Variants in MLLT3 observed in about 807,000 individuals in gnomAD.
MLLT3 encodes the protein MLLT3 super elongation complex subunit.
Under a neutral mutation model 53.2 loss-of-function variants are expected in MLLT3, and 4 were observed. The observed-to-expected ratio is 0.08, with a 90% CI of 0.04 to 0.17. The LOEUF (loss-of-function observed/expected upper bound fraction) is 0.17. Among genes scored for constraint, MLLT3 ranks in the 10% least tolerant of loss-of-function variants. The pLI is 1.00. For missense variants in MLLT3, 569 were observed against 684.0 expected (o/e 0.83, Z 1.87); for synonymous variants, 283 against 230.6 (o/e 1.23, Z -2.06).
In MLLT3 at chr9:20,621,609, T is replaced by TC. The variant is rs1587141394; in HGVS notation, c.12+635dup. Among the ~76,000 whole-genome samples, 1 of 142,540 alleles carries TC rather than the reference T, an allele frequency of 7.0e-6. No homozygotes were observed. The highest frequency in any genetic ancestry group is 1.5e-5 in the Non-Finnish European group (1 of 65,536). The allele number at this position is 142,540 out of a possible 152,430, so 93.5% of individuals were successfully genotyped here. ...AAGTGGCTCCAAAGTATCTCCCACC[T>TC]CCCCCCAAAAAATGAAATTCAGAAA... On this transcript the variant is annotated intron_variant, in intron 1 of 10. Coordinates refer to ENST00000380338, the MANE Select transcript of MLLT3 (RefSeq NM_004529.4). The surrounding 1 kb of genome is among the most constrained non-coding windows in gnomAD (Gnocchi z 7.0).
rs576223462 is a variant in MLLT3, at chr9:20,584,082, AT to A, written c.193+36571del. Among the ~76,000 whole-genome samples, 9 of 152,202 alleles carry A rather than the reference AT, an allele frequency of 5.9e-5. No individual in the cohort carries two copies. The South Asian group carries it at 1.7e-3, about 28-fold the overall frequency. ...CTCTTGAATACTTTGCTGCTTAGAAATTTTTTCTGCCAGATATCCTAAATCA... is the reference window on the plus strand; with the variant it reads ...CTCTTGAATACTTTGCTGCTTAGAAATTTTTCTGCCAGATATCCTAAATCA... On this transcript the variant is annotated intron_variant, in intron 2 of 10. Transcript: ENST00000380338.
chr9:20,462,486 G>A (rs116331299), intron 2 of MLLT3, among the ~76,000 whole-genome samples: 1,807 of 151,948 alleles, frequency 0.012, 40 homozygotes, highest in African/African-American at 0.041. Context: ...TCTAATTAAC[G>A]TTCATAAAGT....
chr9:20,527,113 A>G (rs1818222681), intron 2 of MLLT3, among the ~76,000 whole-genome samples: 1 of 152,206 alleles, frequency 6.6e-6, no homozygotes, highest in Non-Finnish European at 1.5e-5. Flanking sequence ...GTAAGATCAA[A>G]GGGTAAGGTT....
At chr9:20,443,360 T>C (rs1779777600) in intron 4 of MLLT3, among the ~76,000 whole-genome samples, 1 of 152,220 alleles carries the variant, frequency 6.6e-6, no homozygotes, top group South Asian at 2.1e-4. Flanking sequence ...TGTGAACTCT[T>C]CTAAGGAAAC....
intron 8 of MLLT3, among the ~76,000 whole-genome samples, chr9:20,360,184 G>C (rs886074499): frequency 1.3e-5 from 2 of 152,086 alleles, no homozygotes; most frequent in African/African-American, 4.8e-5. Flanking sequence ...AGAAAACTGA[G>C]GCCGAACACC....
At chr9:20,404,533 C>T (rs1377142591) in intron 5 of MLLT3, among the ~76,000 whole-genome samples, 1 of 152,130 alleles carries the variant, frequency 6.6e-6, no homozygotes, top group East Asian at 1.9e-4. Flanking sequence ...TTGAAACGGT[C>T]TCACTACATT....
rs1181168517 is a variant in MLLT3, at chr9:20,622,114, G to T, written c.12+131C>A. 14 of 1,088,832 alleles carry T rather than the reference G, an allele frequency of 1.3e-5. No individual in the cohort carries two copies. The African/African-American group carries it at 2.1e-4, about 16-fold the overall frequency. 67.4% of individuals were successfully genotyped at this position (1,088,832 alleles called of 1,614,324 possible). A position where few individuals can be genotyped will look rare whatever the true frequency, so the allele number is the denominator to read the frequency against. ...AGCGGAGGCTGAGGGAGAGGCGGCAGCTCCCTGCAAGCCGTACCAACCTTT... is the reference window on the plus strand; with the variant it reads ...AGCGGAGGCTGAGGGAGAGGCGGCATCTCCCTGCAAGCCGTACCAACCTTT... On this transcript the variant is annotated intron_variant, in intron 1 of 10. Coordinates refer to ENST00000380338, the MANE Select transcript of MLLT3 (RefSeq NM_004529.4).
At chr9:20,508,262 C>T (rs1422443723) in intron 2 of MLLT3, among the ~76,000 whole-genome samples, 1 of 152,204 alleles carries the variant, frequency 6.6e-6, no homozygotes, top group Non-Finnish European at 1.5e-5. Flanking sequence ...CCTTACCTCT[C>T]ACCCCACATT....
intron 5 of MLLT3, among the ~76,000 whole-genome samples, chr9:20,372,776 A>G (rs950513385): frequency 1.3e-5 from 2 of 152,026 alleles, no homozygotes; most frequent in Admixed American, 1.3e-4. Flanking sequence ...ATAAGTAGTC[A>G]TCAGCATCTG....
Position 20,511,259 on chromosome 9 carries a change from T to TA in MLLT3, c.194-54474dup, listed in dbSNP as rs75800263. On this transcript the variant is annotated intron_variant, in intron 2 of 10. Transcript: ENST00000380338. ...ACTTAAACGTATTACTTTTGTAATTTAAAAAAAACTTCAAGAAAAAAATAA... is the reference window on the plus strand; with the variant it reads ...ACTTAAACGTATTACTTTTGTAATTTAAAAAAAAACTTCAAGAAAAAAATAA... Among the ~76,000 whole-genome samples the TA allele has an allele frequency of 0.011, 1,718 of 152,004 alleles. 86 individuals carry two copies. The East Asian group carries it at 0.17, about 15-fold the overall frequency.
chr9:20,525,005 C>G (rs984176850), intron 2 of MLLT3, among the ~76,000 whole-genome samples: 2 of 150,906 alleles, frequency 1.3e-5, no homozygotes, highest in African/African-American at 4.9e-5. Context: ...AGTAGCTTGG[C>G]CCAGTGAGGG....
At chr9:20,571,617 T>C (rs1160364866) in intron 2 of MLLT3, among the ~76,000 whole-genome samples, 2 of 152,082 alleles carry the variant, frequency 1.3e-5, no homozygotes, top group Non-Finnish European at 2.9e-5. Context: ...CAGGCCCTGG[T>C]GTGTGATGTT....
chr9:20,520,825 G>C (rs576810610), intron 2 of MLLT3, among the ~76,000 whole-genome samples: 2 of 152,306 alleles, frequency 1.3e-5, no homozygotes, highest in South Asian at 2.1e-4. Context: ...ATAGCAAAGT[G>C]TTAGAAGAGA....
chr9:20,418,936 TAATA>T lies in MLLT3; in HGVS notation c.421-4515_421-4512del, dbSNP rs537983898. Among the ~76,000 whole-genome samples, 3 of 152,268 alleles carry T rather than the reference TAATA, an allele frequency of 2.0e-5. No homozygotes were observed. The South Asian group carries it at 6.2e-4, about 32-fold the overall frequency. On this transcript the variant is annotated intron_variant, in intron 4 of 10. Transcript: ENST00000380338. Reference sequence around the variant, plus strand: ...TCTAGGTGTATAAACAAGAAATAGATAATATGCTTGCTGCTACTGTGCAGGTTGA... The same window carrying T: ...TCTAGGTGTATAAACAAGAAATAGATTGCTTGCTGCTACTGTGCAGGTTGA...
At chr9:20,507,640 A>G (rs1473847810) in intron 2 of MLLT3, among the ~76,000 whole-genome samples, 2 of 151,894 alleles carry the variant, frequency 1.3e-5, no homozygotes, top group Admixed American at 6.6e-5. Flanking sequence ...CTTCCTGCCC[A>G]TGCATGCAAG....
At chr9:20,514,334 CTGGGT>C (rs1225962578) in intron 2 of MLLT3, among the ~76,000 whole-genome samples, 3 of 152,104 alleles carry the variant, frequency 2.0e-5, no homozygotes, top group Non-Finnish European at 4.4e-5. Context: ...TGGAGAGGTC[CTGGGT>C]TGGGTGATAT....
At position 20,435,664 on chromosome 9, in the gene MLLT3, G is replaced by T. The variant is rs532205816; in HGVS notation, c.420+12459C>A. Reference sequence around the variant, plus strand: ...GCAGAAAGTGGGAGGTGTAAGGATGGTATCTGAAGGAAAAAGGAGTACGGG... The same window carrying T: ...GCAGAAAGTGGGAGGTGTAAGGATGTTATCTGAAGGAAAAAGGAGTACGGG... On this transcript the variant is annotated intron_variant, in intron 4 of 10. Coordinates refer to ENST00000380338, the MANE Select transcript of MLLT3 (RefSeq NM_004529.4). 2.0e-3 allele frequency among the ~76,000 whole-genome samples: 301 copies of T among 152,230 alleles called. 3 individuals are homozygous for T. Among genetic ancestry groups the T allele is most frequent in the African/African-American group, 7.0e-3 (292 of 41,554 alleles).
Position 20,343,987 on chromosome 9 carries a change from TCA to T in MLLT3, c.*2454_*2455del, listed in dbSNP as rs1820804250. On this transcript the variant is annotated 3_prime_UTR_variant, in exon 11 of 11. Coordinates refer to ENST00000380338, the MANE Select transcript of MLLT3 (RefSeq NM_004529.4). ...CACTTCAAAAAAAATAACGTAACTCTCAGTCTTAATTTTGTGAAAAACTTACT... is the reference window on the plus strand; with the variant it reads ...CACTTCAAAAAAAATAACGTAACTCTGTCTTAATTTTGTGAAAAACTTACT... 2 of 202,840 alleles carry T rather than the reference TCA, an allele frequency of 9.9e-6. No individual in the cohort carries two copies. Among genetic ancestry groups the T allele is most frequent in the Non-Finnish European group, 2.0e-5 (2 of 98,962 alleles). 12.6% of individuals were successfully genotyped at this position (202,840 alleles called of 1,614,324 possible).
chr9:20,385,671 C>T (rs1822016237), intron 5 of MLLT3, among the ~76,000 whole-genome samples: 1 of 152,154 alleles, frequency 6.6e-6, no homozygotes, highest in South Asian at 2.1e-4. Flanking sequence ...GCTGACACCA[C>T]TCCCACTCCC....
Sources: allele counts gnomAD v4.1 joint callset (sites outside exome capture counted in the v4.1 genomes callset), GRCh38; gene constraint gnomAD v4.1.1; non-coding constraint Gnocchi (gnomAD v3.1); transcripts MANE v1.5; gene names NCBI Gene and HGNC (gene_info 2026-07-23, HGNC 2026-07-21).